TENM3: variants seen among roughly 807,000 people sequenced by gnomAD.
TENM3 encodes teneurin-3.
Under a neutral mutation model 255.1 loss-of-function variants are expected in TENM3, and 63 were observed. The observed-to-expected ratio is 0.25, with a 90% CI of 0.20 to 0.30. TENM3 has a LOEUF of 0.30. TENM3 is among the 10% of genes least tolerant of loss of function. The pLI, the probability that TENM3 is intolerant of heterozygous loss-of-function variation, is 1.00. For synonymous variants in TENM3, 1,306 were observed against 1,322.3 expected, an observed-to-expected ratio of 0.99 and a Z score of 0.27; for missense variants, 2,929 against 3,461.1, an observed-to-expected ratio of 0.85 and a Z score of 3.86.
intron 3 of TENM3, among the ~76,000 whole-genome samples, chr4:182,569,574 AGAAAG>A (rs1284999384): frequency 6.7e-6 from 1 of 149,140 alleles, no homozygotes; most frequent in Non-Finnish European, 1.5e-5. Context: ...AAAAAAAAAA[AGAAAG>A]AAAGGAAAGT....
chr4:182,126,105 A>G, the TENM3 span, among the ~76,000 whole-genome samples: 1 of 152,198 alleles, frequency 6.6e-6, no homozygotes, highest in Non-Finnish European at 1.5e-5. Flanking sequence ...CCTAAAGTCC[A>G]TATTATTTGT....
At chr4:182,296,959 C>T (rs753585581) in intron 1 of TENM3, among the ~76,000 whole-genome samples, 6 of 152,050 alleles carry the variant, frequency 3.9e-5, no homozygotes, top group Admixed American at 1.3e-4. Flanking sequence ...GATACTAGAA[C>T]GAGAAGACAT....
At chr4:182,722,695 C>T (rs1179101770) in intron 13 of TENM3, among the ~76,000 whole-genome samples, 1 of 152,146 alleles carries the variant, frequency 6.6e-6, no homozygotes, top group African/African-American at 2.4e-5. Context: ...GTGAAATAAT[C>T]AGATTTGGTT....
At chr4:182,624,044 T>C (rs1750576779) in intron 4 of TENM3, among the ~76,000 whole-genome samples, 1 of 149,980 alleles carries the variant, frequency 6.7e-6, no homozygotes, top group Non-Finnish European at 1.5e-5. Flanking sequence ...GGCACAGGTT[T>C]CCTCTGCTCT....
chr4:181,782,925 G>C, the TENM3 span, among the ~76,000 whole-genome samples: 3 of 152,168 alleles, frequency 2.0e-5, no homozygotes, highest in African/African-American at 7.2e-5. Flanking sequence ...ATGTAGTTGA[G>C]CGGTTTTGAG....
chr4:182,260,739 A>G (rs1387396044), intron 1 of TENM3, among the ~76,000 whole-genome samples: 2 of 152,230 alleles, frequency 1.3e-5, no homozygotes, highest in Non-Finnish European at 2.9e-5. Flanking sequence ...GTTATCTACA[A>G]TGTAGAAAAT....
chr4:182,656,121 T>TA (rs1753723973), intron 6 of TENM3, among the ~76,000 whole-genome samples: 1 of 152,186 alleles, frequency 6.6e-6, no homozygotes, highest in Admixed American at 6.5e-5. Flanking sequence ...TGTATATACA[T>TA]ATAAGCGAAG....
At chr4:182,659,652 C>T (rs1204218423) in intron 6 of TENM3, among the ~76,000 whole-genome samples, 1 of 152,162 alleles carries the variant, frequency 6.6e-6, no homozygotes, top group Non-Finnish European at 1.5e-5. Context: ...ACTCTGACCC[C>T]ATAATATCTT....
chr4:181,967,989 G>A, the TENM3 span, among the ~76,000 whole-genome samples: 1 of 152,110 alleles, frequency 6.6e-6, no homozygotes, highest in African/African-American at 2.4e-5. Context: ...CGCCCTCACT[G>A]ATCTCTTCAC....
chr4:181,895,834 T>G, the TENM3 span, among the ~76,000 whole-genome samples: 1 of 152,048 alleles, frequency 6.6e-6, no homozygotes, highest in Non-Finnish European at 1.5e-5. Context: ...TGTGAGCCAC[T>G]GTACCCAGCC....
chr4:181,914,212 T>C, the TENM3 span, among the ~76,000 whole-genome samples: 29 of 152,248 alleles, frequency 1.9e-4, no homozygotes, highest in Admixed American at 3.9e-4. Context: ...CACCTTTTGC[T>C]ACAATCAACT....
chr4:182,777,547 C>CTTT lies in TENM3; in HGVS notation c.5304+2420_5304+2422dup, dbSNP rs1157448732. ...TGTGTGTGTGTGTGTGTGTGTATTTCTTTTTTTTTTTTTTTTTTTTTTTTT... is the reference window on the plus strand; with the variant it reads ...TGTGTGTGTGTGTGTGTGTGTATTTCTTTTTTTTTTTTTTTTTTTTTTTTTTTT... On this transcript the variant is annotated intron_variant, in intron 24 of 27. Coordinates refer to ENST00000511685, the MANE Select transcript of TENM3 (RefSeq NM_001080477.4). Among the ~76,000 whole-genome samples, 220 of 45,470 alleles carry CTTT rather than the reference C, an allele frequency of 4.8e-3. 51 individuals are homozygous for CTTT. Among genetic ancestry groups the CTTT allele is most frequent in the African/African-American group, 0.013 (152 of 11,576 alleles). 29.8% of individuals were successfully genotyped at this position (45,470 alleles called of 152,430 possible).
the TENM3 span, among the ~76,000 whole-genome samples, chr4:181,523,485 G>A: frequency 6.6e-6 from 1 of 151,896 alleles, no homozygotes; most frequent in Non-Finnish European, 1.5e-5. Flanking sequence ...GGAGGGTCAG[G>A]GACAGTGAAA....
Position 182,688,146 on chromosome 4 carries a change from G to T in TENM3, c.2036-20G>T, listed in dbSNP as rs1756733169. The T allele has an allele frequency of 6.4e-7, 1 of 1,566,392 alleles. No individual in the cohort carries two copies. Among genetic ancestry groups the T allele is most frequent in the Non-Finnish European group, 8.7e-7 (1 of 1,150,940 alleles). On this transcript the variant is annotated intron_variant, in intron 11 of 27. Coordinates refer to ENST00000511685, the MANE Select transcript of TENM3 (RefSeq NM_001080477.4). Reference sequence around the variant, plus strand: ...CCGCCACTCTTCTCTCCTGTTTTGTGTCCTCTTCCTCCCACATAGAAATAT... The same window carrying T: ...CCGCCACTCTTCTCTCCTGTTTTGTTTCCTCTTCCTCCCACATAGAAATAT...
intron 3 of TENM3, among the ~76,000 whole-genome samples, chr4:182,427,847 C>T (rs569952242): frequency 1.3e-5 from 2 of 152,118 alleles, no homozygotes; most frequent in Admixed American, 1.3e-4. Context: ...GGGAACTGAT[C>T]CAAGAATAGG....
chr4:182,557,564 G>A (rs10001981), intron 3 of TENM3, among the ~76,000 whole-genome samples: 52,142 of 152,038 alleles, frequency 0.34, 10,267 homozygotes, highest in African/African-American at 0.54. Context: ...TGTGCTAATG[G>A]TCTTTTTTAT....
chr4:181,649,283 A>G, the TENM3 span, among the ~76,000 whole-genome samples: 1 of 152,326 alleles, frequency 6.6e-6, no homozygotes, highest in Admixed American at 6.5e-5. Flanking sequence ...GGTGATTACA[A>G]TGAGTAATGT....
intron 3 of TENM3, among the ~76,000 whole-genome samples, chr4:182,569,550 T>A (rs1744149413): frequency 7.2e-6 from 1 of 138,706 alleles, no homozygotes. Context: ...CAAGACTGTG[T>A]CTCAAAAAAA....
At chr4:181,845,385 C>T in the TENM3 span, among the ~76,000 whole-genome samples, 43 of 152,146 alleles carry the variant, frequency 2.8e-4, no homozygotes, top group African/African-American at 9.9e-4. Flanking sequence ...TAATTTTTCA[C>T]ATTTACTCAT....
Sources: gnomAD v4.1 joint callset for allele counts (sites outside exome capture counted in the v4.1 genomes callset) on GRCh38, gnomAD v4.1.1 for gene constraint, MANE v1.5 for transcripts, NCBI Gene and HGNC (gene_info 2026-07-23, HGNC 2026-07-21) for gene names.